Variants in ASCC1 observed in about 807,000 individuals in gnomAD.
ASCC1 encodes activating signal cointegrator 1 complex subunit 1, also known as ASC-1 complex subunit P50.
ASCC1 carries 35 observed loss-of-function variants against 46.6 expected under a neutral mutation model. The observed-to-expected ratio is 0.75, with a 90% confidence interval of 0.57 to 0.99. The LOEUF (loss-of-function observed/expected upper bound fraction) is 0.99. Among genes scored for constraint, ASCC1 ranks in the 50% least tolerant of loss-of-function variants. The pLI is 0.00. For synonymous variants in ASCC1, 143 were observed against 146.6 expected (o/e 0.98, Z 0.18); for missense variants, 376 against 428.7 (o/e 0.88, Z 1.09).
intron 9 of ASCC1, among the ~76,000 whole-genome samples, chr10:72,117,715 G>A (rs111333869): frequency 3.9e-5 from 6 of 152,240 alleles, no homozygotes; most frequent in African/African-American, 1.2e-4. Flanking sequence ...TCACATGATT[G>A]TCAAGAATAA....
At chr10:72,215,635 G>T (rs992611371) in intron 1 of ASCC1, 1 of 152,188 alleles carries the variant, frequency 6.6e-6, no homozygotes, top group African/African-American at 2.4e-5. Flanking sequence ...CACAAAAACA[G>T]ACTAAGATGA....
At chr10:72,123,059 T>G (rs1176034844) in intron 9 of ASCC1, among the ~76,000 whole-genome samples, 2 of 152,110 alleles carry the variant, frequency 1.3e-5, no homozygotes, top group Non-Finnish European at 2.9e-5. Flanking sequence ...GAGCAGAGGC[T>G]GGGCGCGGTG....
At position 72,103,629 on chromosome 10, in the gene ASCC1, AACCTATGAAG is replaced by A. The variant is rs546549121; in HGVS notation, c.958-6189_958-6180del. On this transcript the variant is annotated intron_variant, in intron 9 of 9. Coordinates refer to ENST00000672957, the MANE Select transcript of ASCC1 (RefSeq NM_001198800.3). The stretch of plus-strand genomic sequence containing the variant: ...CCCTCTTCCCTGAAGCAGACGATAA[AACCTATGAAG>A]ACCTATGAAGGCCGTCCTGTGACCT... Among the ~76,000 whole-genome samples the A allele has an allele frequency of 4.8e-3, 727 of 152,156 alleles. 7 individuals are homozygous for A. The highest frequency in any genetic ancestry group is 0.016 in the African/African-American group (669 of 41,464).
intron 7 of ASCC1, among the ~76,000 whole-genome samples, chr10:72,150,761 C>T (rs1244778879): frequency 6.6e-6 from 1 of 152,170 alleles, no homozygotes; most frequent in Admixed American, 6.6e-5. Context: ...AAGAAAATAT[C>T]AAACAACCTC....
intron 5 of ASCC1, among the ~76,000 whole-genome samples, chr10:72,182,622 T>C (rs929200749): frequency 1.3e-5 from 2 of 152,052 alleles, no homozygotes; most frequent in Non-Finnish European, 2.9e-5. Flanking sequence ...TTCAATTAAG[T>C]CAATAATATA....
At chr10:72,157,175 A>AT (rs1238555194) in intron 6 of ASCC1, among the ~76,000 whole-genome samples, 1 of 152,178 alleles carries the variant, frequency 6.6e-6, no homozygotes, top group Admixed American at 6.5e-5. Context: ...GCCACCTCTA[A>AT]TAAGAAGTGA....
At chr10:72,120,486 T>C (rs1844067042) in intron 9 of ASCC1, among the ~76,000 whole-genome samples, 1 of 149,950 alleles carries the variant, frequency 6.7e-6, no homozygotes, top group African/African-American at 2.5e-5. Flanking sequence ...AAAAAAGGAA[T>C]GGAAACAATA....
At position 72,215,373 on chromosome 10, in the gene ASCC1, T is replaced by A. The variant is rs555128685; in HGVS notation, c.-34+834A>T. 2.6e-5 allele frequency among the ~76,000 whole-genome samples: 4 copies of A among 152,350 alleles called. No homozygotes were observed. The South Asian group carries it at 6.2e-4, about 24-fold the overall frequency. On this transcript the variant is annotated intron_variant, in intron 1 of 9. Transcript: ENST00000672957. ...GAGATCGCGCCACTGCACTCCAGCC[T>A]GGGCGACAGAGCGAGACTTCGTCTC... is the stretch of plus-strand genomic sequence containing the variant.
chr10:72,188,414 C>T (rs541888723), intron 5 of ASCC1, among the ~76,000 whole-genome samples: 3 of 152,118 alleles, frequency 2.0e-5, no homozygotes, highest in East Asian at 1.9e-4. Context: ...CCACCACGCC[C>T]GACCTGGTTT....
chr10:72,216,043 G>A (rs760141665), intron 1 of ASCC1, 164 bp downstream of exon 1: 2 of 152,370 alleles, frequency 1.3e-5, no homozygotes, highest in Non-Finnish European at 2.9e-5. Context: ...CCGTCTGTTG[G>A]GGGGCGAACA....
In ASCC1 at chr10:72,196,976, C is replaced by A; in HGVS notation, c.324G>T (p.Gln108His). ...GQDGEIVITG[Q>H]HRNGVISART... ...GGGCTGAAATTACACCATTTCGATG[C>A]TGGCCAGTGATTACTGTAAACAAAG... is the stretch of plus-strand genomic sequence containing the variant. Residue 108 changes from glutamine (Q) to histidine (H), a missense_variant, in exon 5 of 10, where the codon CAG (glutamine) becomes CAT (histidine). Physicochemically the swap from Gln to His is conservative, Grantham distance 24. Coordinates refer to ENST00000672957, the MANE Select transcript of ASCC1 (RefSeq NM_001198800.3). 6.2e-7 allele frequency: 1 copy of A among 1,613,636 alleles called. No individual in the cohort carries two copies. Among genetic ancestry groups the A allele is most frequent in the Non-Finnish European group, 8.5e-7 (1 of 1,180,008 alleles).
intron 7 of ASCC1, among the ~76,000 whole-genome samples, chr10:72,147,139 T>C (rs890256728): frequency 1.8e-4 from 28 of 151,408 alleles, no homozygotes; most frequent in Middle Eastern, 3.4e-3. Context: ...AAAGTGGCTA[T>C]TGTCAGGAAG....
chr10:72,167,116 C>A (rs61464060), intron 5 of ASCC1, among the ~76,000 whole-genome samples: 1 of 152,068 alleles, frequency 6.6e-6, no homozygotes, highest in Non-Finnish European at 1.5e-5. Flanking sequence ...TTCTACCCAA[C>A]GAAATGAAAA....
At chr10:72,125,809 A>G (rs1188753269) in intron 9 of ASCC1, among the ~76,000 whole-genome samples, 1 of 152,172 alleles carries the variant, frequency 6.6e-6, no homozygotes, top group Admixed American at 6.5e-5. Flanking sequence ...AACTCACCCC[A>G]TGGTTTTTAT....
chr10:72,124,178 T>C (rs1015006351), intron 9 of ASCC1, among the ~76,000 whole-genome samples: 1 of 152,206 alleles, frequency 6.6e-6, no homozygotes, highest in Non-Finnish European at 1.5e-5. Flanking sequence ...CAGGGGAAAG[T>C]ATTTAAAATT....
At position 72,197,095 on chromosome 10, in the gene ASCC1, C is replaced by T. The variant is rs534848175; in HGVS notation, c.311-106G>A. 4 of 997,484 alleles carry T rather than the reference C, an allele frequency of 4.0e-6. No homozygotes were observed. In the African/African-American group the frequency reaches 4.8e-5, roughly 12 times the overall value. The allele number at this position is 997,484 out of a possible 1,614,324, so 61.8% of individuals were successfully genotyped here. ...TGAGGAGCTAAAGCAGTTCTGAATG[C>T]GTATATGAATCTAAACAGGGGACAA... On this transcript the variant is annotated intron_variant, in intron 4 of 9. Coordinates refer to ENST00000672957, the MANE Select transcript of ASCC1 (RefSeq NM_001198800.3).
At chr10:72,131,752 A>T (rs1414218877) in intron 8 of ASCC1, among the ~76,000 whole-genome samples, 1 of 152,202 alleles carries the variant, frequency 6.6e-6, no homozygotes, top group Non-Finnish European at 1.5e-5. Flanking sequence ...TCTTTGGTAC[A>T]TATCTGAGAG....
chr10:72,156,781 A>AG (rs1849032645), intron 6 of ASCC1, among the ~76,000 whole-genome samples: 5 of 151,940 alleles, frequency 3.3e-5, no homozygotes, highest in Admixed American at 2.6e-4. Context: ...CAAAAAAAAA[A>AG]AAAAGAAAAA....
intron 5 of ASCC1, among the ~76,000 whole-genome samples, chr10:72,177,429 T>C (rs540701604): frequency 3.3e-5 from 5 of 152,234 alleles, no homozygotes; most frequent in African/African-American, 1.2e-4. Flanking sequence ...TGACTAATAC[T>C]AACTGGAAAA....
Sources: allele counts gnomAD v4.1 joint callset (sites outside exome capture counted in the v4.1 genomes callset), GRCh38; gene constraint gnomAD v4.1.1; transcripts MANE v1.5; gene names NCBI Gene and HGNC (gene_info 2026-07-23, HGNC 2026-07-21).